The following KANK1 variants were observed in gnomAD, a reference collection of about 807,000 sequenced individuals.
KANK1 encodes KN motif and ankyrin repeat domains 1.
Under a neutral mutation model 106.2 loss-of-function variants are expected in KANK1, and 109 were observed. The ratio of observed to expected loss-of-function variants is 1.03; its 90% CI spans 0.88 to 1.20. The LOEUF is 1.20. Among genes scored for constraint, KANK1 ranks in the 50% most tolerant of loss-of-function variants. KANK1 has a pLI of 0.00. For missense variants in KANK1, 2,399 were observed against 1,710.7 expected (o/e 1.40, Z -7.10); for synonymous variants, 873 against 652.2 (o/e 1.34, Z -5.16).
chr9:684,394 CAAGA>C (rs1041771265), intron 2 of KANK1: 9 of 985,126 alleles, frequency 9.1e-6, no homozygotes, highest in South Asian at 9.4e-5. Flanking sequence ...TAGGTGCCAA[CAAGA>C]AAGAAAGAAA....
chr9:653,027 C>T (rs1841270875), intron 1 of KANK1, among the ~76,000 whole-genome samples: 3 of 152,180 alleles, frequency 2.0e-5, no homozygotes, highest in Admixed American at 2.0e-4. Flanking sequence ...ACAGCTGGGT[C>T]CTGTGAGGCA....
upstream of KANK1, among the ~76,000 whole-genome samples, chr9:502,553 G>C (rs1409529475): frequency 1.5e-5 from 2 of 130,184 alleles, no homozygotes; most frequent in East Asian, 2.0e-4. Flanking sequence ...TCTTAGAGTC[G>C]TGCTCTGTCG....
In KANK1 at chr9:626,852, T is replaced by A. The variant is rs1418139920; in HGVS notation, c.-83-50038T>A. On this transcript the variant is annotated intron_variant, in intron 1 of 11. Transcript: ENST00000382297. ...TGCTTTCACAATAGCAGATTGAAGT[T>A]AGACTCCAGAAGACAGCTTTACAGT... is the stretch of plus-strand genomic sequence containing the variant. Among the ~76,000 whole-genome samples, 5 of 152,192 alleles carry A rather than the reference T, an allele frequency of 3.3e-5. No individual in the cohort carries two copies. In the East Asian group the frequency reaches 9.6e-4, roughly 29 times the overall value.
intron 1 of KANK1, among the ~76,000 whole-genome samples, chr9:532,860 G>A (rs2060127266): frequency 6.6e-6 from 1 of 152,074 alleles, no homozygotes; most frequent in Non-Finnish European, 1.5e-5. Flanking sequence ...CTTATCTCTT[G>A]GCAAGAAAGC....
At chr9:608,031 A>ATTTAT (rs1175822024) in intron 1 of KANK1, among the ~76,000 whole-genome samples, 1 of 88,100 alleles carries the variant, frequency 1.1e-5, no homozygotes, top group Admixed American at 1.2e-4. Context: ...TATTATTATT[A>ATTTAT]TTATTTTTTT....
intron 1 of KANK1, among the ~76,000 whole-genome samples, chr9:596,521 C>T (rs989505792): frequency 6.6e-6 from 1 of 151,644 alleles, no homozygotes; most frequent in Non-Finnish European, 1.5e-5. Context: ...GATTATTTAC[C>T]ACCCCTGGTT....
chr9:571,416 C>T (rs532716865), intron 1 of KANK1, among the ~76,000 whole-genome samples: 2 of 152,100 alleles, frequency 1.3e-5, no homozygotes, highest in East Asian at 3.9e-4. Context: ...TTCTCAACAC[C>T]TACACTGGAA....
chr9:508,141 T>C (rs1279507753), intron 1 of KANK1, among the ~76,000 whole-genome samples: 83 of 133,544 alleles, frequency 6.2e-4, no homozygotes, highest in African/African-American at 2.4e-3. Flanking sequence ...TTTTTTTTTT[T>C]TTTTTTTTTT....
chr9:562,344 G>T (rs1019178805), intron 1 of KANK1, among the ~76,000 whole-genome samples: 1 of 152,134 alleles, frequency 6.6e-6, no homozygotes, highest in East Asian at 1.9e-4. Context: ...GAGCCACCGC[G>T]CCCGGCCCAA....
intron 1 of KANK1, among the ~76,000 whole-genome samples, chr9:675,367 C>A (rs560416916): frequency 7.9e-5 from 12 of 152,296 alleles, no homozygotes; most frequent in Non-Finnish European, 1.5e-4. Flanking sequence ...TTTCTCCCAA[C>A]TTCTTCTGAT....
At chr9:477,494 G>A (rs1003389311) in intron 3 of KANK1, among the ~76,000 whole-genome samples, 2 of 152,276 alleles carry the variant, frequency 1.3e-5, no homozygotes, top group South Asian at 2.1e-4. Context: ...GACCTTTGAT[G>A]TAAGAGGTGT....
At chr9:601,508 A>G (rs961452663) in intron 1 of KANK1, among the ~76,000 whole-genome samples, 3 of 151,744 alleles carry the variant, frequency 2.0e-5, no homozygotes, top group Admixed American at 6.6e-5. Context: ...CCTTTAAGTT[A>G]TGCTTTTTTT....
chr9:686,161 A>G (rs1401964496), intron 2 of KANK1, among the ~76,000 whole-genome samples: 1 of 152,188 alleles, frequency 6.6e-6, no homozygotes, highest in Non-Finnish European at 1.5e-5. Context: ...AACCAGAAAA[A>G]AGTTCTCTCT....
At chr9:512,105 TTGTCTTCATGGCAACTACA>T (rs2132862161) in intron 1 of KANK1, among the ~76,000 whole-genome samples, 1 of 152,320 alleles carries the variant, frequency 6.6e-6, no homozygotes, top group East Asian at 1.9e-4. Context: ...TTGACTTCAT[TTGTCTTCATGGCAACTACA>T]TGTCTTCATG....
intron 1 of KANK1, among the ~76,000 whole-genome samples, chr9:592,782 CTTGT>C (rs1825290990): frequency 6.6e-6 from 1 of 151,816 alleles, no homozygotes; most frequent in Non-Finnish European, 1.5e-5. Flanking sequence ...TTTTGTAGTT[CTTGT>C]TTATTAGAGA....
At chr9:565,923 C>T (rs574219521) in intron 1 of KANK1, among the ~76,000 whole-genome samples, 3 of 152,122 alleles carry the variant, frequency 2.0e-5, no homozygotes, top group Admixed American at 6.5e-5. Context: ...TGGGTAAACT[C>T]GTGTCATGGG....
chr9:711,909 C>T lies in KANK1; in HGVS notation c.1143C>T (p.Ile381=). 3.1e-6 allele frequency: 5 copies of T among 1,614,150 alleles called. No individual in the cohort carries two copies. The highest frequency in any genetic ancestry group is 2.2e-5 in the South Asian group (2 of 91,070). The part of the protein sequence containing the change: ...TADMQALEQK[I]QDSSCEASSE... Reference sequence around the variant, plus strand: ...ACATGCAAGCCCTGGAGCAGAAGATCCAGGACAGCAGCTGTGAGGCCTCCT... The same window carrying T: ...ACATGCAAGCCCTGGAGCAGAAGATTCAGGACAGCAGCTGTGAGGCCTCCT... The change falls in exon 3 of 12, where the codon ATC becomes ATT. Residue 381 remains isoleucine (I), a synonymous_variant. Transcript: ENST00000382297.
intron 1 of KANK1, among the ~76,000 whole-genome samples, chr9:635,096 T>A (rs1331451729): frequency 6.6e-6 from 1 of 152,190 alleles, no homozygotes; most frequent in Non-Finnish European, 1.5e-5. Flanking sequence ...AATGCCGTTA[T>A]TATGGTAACC....
chr9:639,443 AGTAGCT>A (rs1837891189), intron 1 of KANK1, among the ~76,000 whole-genome samples: 1 of 152,030 alleles, frequency 6.6e-6, no homozygotes, highest in African/African-American at 2.4e-5. Flanking sequence ...CAGCCTCCCA[AGTAGCT>A]GGGATTACAG....
Sources: gnomAD v4.1 joint callset for allele counts (sites outside exome capture counted in the v4.1 genomes callset) on GRCh38, gnomAD v4.1.1 for gene constraint, MANE v1.5 for transcripts, NCBI Gene and HGNC (gene_info 2026-07-23, HGNC 2026-07-21) for gene names.